Variants in PRRC2C observed in about 807,000 individuals in gnomAD.
PRRC2C encodes the protein protein PRRC2C.
In PRRC2C, 72 loss-of-function variants were observed where a neutral mutation model predicts 317.2. The ratio of observed to expected loss-of-function variants is 0.23; its 90% CI spans 0.19 to 0.28. PRRC2C has a LOEUF of 0.28. Ranked by LOEUF, PRRC2C falls within the 10% of genes least tolerant of loss-of-function variation. The probability of loss-of-function intolerance (pLI) is 1.00; values close to 1 mark genes in which losing one functional copy is unlikely to be tolerated. For synonymous variants in PRRC2C, 1,296 were observed against 1,205.9 expected (o/e 1.07, Z -1.55); for missense variants, 3,074 against 3,459.7 (o/e 0.89, Z 2.80).
At chr1:171,535,726 T>G in intron 13 of PRRC2C, 129 bp downstream of exon 13, 1 of 1,200,466 alleles carries the variant, frequency 8.3e-7, no homozygotes, top group Non-Finnish European at 1.2e-6. Flanking sequence ...TTTTTCCTTG[T>G]AAATAAAAGT....
chr1:171,539,875 T>C (rs12734261), intron 15 of PRRC2C, 96 bp from the exon 16 acceptor site: 165,257 of 1,027,520 alleles, frequency 0.16, 14,462 homozygotes, highest in Middle Eastern at 0.27. Context: ...TGGTTAAGAG[T>C]CATTGCTTTC....
chr1:171,498,128 A>G (rs1251516852), intron 1 of PRRC2C, among the ~76,000 whole-genome samples: 21 of 151,966 alleles, frequency 1.4e-4, no homozygotes, highest in Admixed American at 7.9e-4. Context: ...TGCCCTGCCA[A>G]TAATTACTAT....
chr1:171,510,438 T>C (rs1306482403), intron 1 of PRRC2C: 2 of 152,148 alleles, frequency 1.3e-5, no homozygotes, highest in Non-Finnish European at 2.9e-5. Context: ...ATGAAAAAGC[T>C]CTTTGAATTT....
In PRRC2C at chr1:171,529,017, G is replaced by A. The variant is rs867178231; in HGVS notation, c.1254+1173G>A. Among the ~76,000 whole-genome samples, 23 of 152,006 alleles carry A rather than the reference G, an allele frequency of 1.5e-4. 1 individual carries two copies. The highest frequency in any genetic ancestry group is 4.8e-4 in the African/African-American group (20 of 41,460). On this transcript the variant is annotated intron_variant, in intron 11 of 34. Transcript: ENST00000647382. ...TCACCTTCATGCCCAGGCTGGTCTC[G>A]AACTCCTAGACAAGATACCACCTTG...
At chr1:171,526,360 C>T (rs888083422) in intron 10 of PRRC2C, among the ~76,000 whole-genome samples, 2 of 152,192 alleles carry the variant, frequency 1.3e-5, no homozygotes, top group African/African-American at 4.8e-5. Context: ...CCTCTTGAGA[C>T]AGAGCCTTGC....
chr1:171,518,284 A>C (rs539521889), intron 6 of PRRC2C, among the ~76,000 whole-genome samples: 58 of 152,288 alleles, frequency 3.8e-4, no homozygotes, highest in African/African-American at 1.3e-3. Context: ...CATTCTGTTT[A>C]ATATAATTGT....
chr1:171,532,403 C>G lies in PRRC2C; in HGVS notation c.1315C>G (p.Gln439Glu), dbSNP rs1299578878. 4.3e-6 allele frequency: 7 copies of G among 1,613,900 alleles called. No individual in the cohort carries two copies. In the South Asian group the frequency reaches 7.7e-5, roughly 18 times the overall value. Residue 439 changes from glutamine to glutamate, a missense_variant, in exon 12 of 35, where the codon CAA becomes GAA. Physicochemically the swap from Gln to Glu is conservative, Grantham distance 29. Around this residue, in one of 11 missense-constraint regions of PRRC2C, gnomAD observed 1,320 missense variants for 1,395.7 expected, o/e 0.95. Coordinates refer to ENST00000647382, the MANE Select transcript of PRRC2C (RefSeq NM_001387844.1). ...GRPGPFPSKQ[Q>E]VADEDEIWKQ... Reference sequence around the variant, plus strand: ...ACCAGGCCCCTTTCCCTCCAAGCAGCAAGTAGCTGATGAAGATGAAATATG... The same window carrying G: ...ACCAGGCCCCTTTCCCTCCAAGCAGGAAGTAGCTGATGAAGATGAAATATG...
At position 171,561,086 on chromosome 1, in the gene PRRC2C, T is replaced by A; in HGVS notation, c.6100T>A (p.Ser2034Thr). 1 of 1,600,142 alleles carries A rather than the reference T, an allele frequency of 6.2e-7. No homozygotes were observed. The highest frequency in any genetic ancestry group is 8.6e-7 in the Non-Finnish European group (1 of 1,167,286). The change falls in exon 20 of 35, where the codon TCA (serine) becomes ACA (threonine). Residue 2034 changes from serine (S) to threonine (T), a missense_variant. Around this residue, in one of 11 missense-constraint regions of PRRC2C, gnomAD observed 640 missense variants for 676.1 expected, o/e 0.95. Transcript: ENST00000647382. ...AWNKPLTSFG[S>T]APSSEGAKNG... is the part of the protein sequence containing the mutation. ...GAATAAGCCCTTAACATCGTTTGGA[T>A]CAGCTCCTTCATCAGAGGTAAGAAT...
At position 171,592,064 on chromosome 1, in the gene PRRC2C, T is replaced by G. The variant is rs3204333; in HGVS notation, c.*217T>G. 62,375 of 482,544 alleles carry G rather than the reference T, an allele frequency of 0.13. 4,341 individuals carry two copies. Among genetic ancestry groups the G allele is most frequent in the East Asian group, 0.19 (5,829 of 31,208 alleles). 29.9% of individuals were successfully genotyped at this position (482,544 alleles called of 1,614,324 possible). On this transcript the variant is annotated 3_prime_UTR_variant, in exon 35 of 35. Transcript: ENST00000647382. ...AAGCTTGTACCTACTATATAACATG[T>G]GCTTGGTTGATGGCCATGCATCTTC...
At chr1:171,583,189 G>T (rs927646469) in intron 28 of PRRC2C, among the ~76,000 whole-genome samples, 1 of 152,062 alleles carries the variant, frequency 6.6e-6, no homozygotes, top group African/African-American at 2.4e-5. Context: ...GCCCAGGCTG[G>T]TCTCAAATTC....
At chr1:171,538,738 G>C (rs1319493419) in intron 15 of PRRC2C, among the ~76,000 whole-genome samples, 2 of 151,922 alleles carry the variant, frequency 1.3e-5, no homozygotes, top group Non-Finnish European at 2.9e-5. Flanking sequence ...TTTGAGAAGG[G>C]TCTCGCTCTG....
intron 12 of PRRC2C, among the ~76,000 whole-genome samples, chr1:171,534,753 A>G (rs1676511305): frequency 6.6e-6 from 1 of 152,156 alleles, no homozygotes; most frequent in Non-Finnish European, 1.5e-5. Context: ...CTTAATATTG[A>G]ATGTAATCCA....
At chr1:171,529,515 C>A (rs192104776) in intron 11 of PRRC2C, among the ~76,000 whole-genome samples, 3 of 152,298 alleles carry the variant, frequency 2.0e-5, no homozygotes, top group African/African-American at 7.2e-5. Flanking sequence ...CTTAACTCTT[C>A]TTTTTTTACC....
chr1:171,567,265 T>A (rs1431943714), intron 22 of PRRC2C, among the ~76,000 whole-genome samples: 1 of 152,202 alleles, frequency 6.6e-6, no homozygotes, highest in African/African-American at 2.4e-5. Context: ...AACAGATTAC[T>A]GTTTCTTTGG....
Position 171,536,230 on chromosome 1 carries a change from C to T in PRRC2C, c.2245C>T (p.Arg749Ter). 1 of 1,613,722 alleles carries T rather than the reference C, an allele frequency of 6.2e-7. No homozygotes were observed. Among genetic ancestry groups the T allele is most frequent in the Non-Finnish European group, 8.5e-7 (1 of 1,179,752 alleles). Residue 749 changes from arginine (R) to a stop codon, truncating the protein, a stop_gained, in exon 14 of 35, where the codon CGA becomes TGA. Transcript: ENST00000647382. LOFTEE classifies it high-confidence loss of function. ...WLMMQSYMDP[R>*]MMSGRPAMDI... ...CATGATGCAGTCCTACATGGATCCT[C>T]GAATGATGTCAGGAAGACCTGCTAT...
intron 17 of PRRC2C, among the ~76,000 whole-genome samples, chr1:171,548,129 C>T (rs920453148): frequency 7.0e-4 from 106 of 151,858 alleles, no homozygotes; most frequent in African/African-American, 2.5e-3. Flanking sequence ...CTATTCCCAG[C>T]TAATTTTTTG....
At position 171,583,977 on chromosome 1, in the gene PRRC2C, A is replaced by T. The variant is rs747332781; in HGVS notation, c.7431A>T (p.Gln2477His). The T allele has an allele frequency of 6.2e-7, 1 of 1,606,596 alleles. No homozygotes were observed. The highest frequency in any genetic ancestry group is 1.7e-5 in the Admixed American group (1 of 59,492). ...GTAGATCTCAGCCAGCTTTTATGCA[A>T]AGCAGTTTATCCCAGCCATCTGTGG... ...QPYRSQPAFM[Q>H]SSLSQPSVVL... Residue 2477 changes from glutamine to histidine, a missense_variant, in exon 29 of 35, where the codon CAA (glutamine) becomes CAT (histidine). Gln to His is a conservative substitution (Grantham distance 24). Around this residue, in one of 11 missense-constraint regions of PRRC2C, gnomAD observed 490 missense variants for 663.1 expected, o/e 0.74. Coordinates refer to ENST00000647382, the MANE Select transcript of PRRC2C (RefSeq NM_001387844.1).
intron 1 of PRRC2C, among the ~76,000 whole-genome samples, chr1:171,489,148 A>G (rs958575018): frequency 6.6e-6 from 1 of 152,218 alleles, no homozygotes; most frequent in Non-Finnish European, 1.5e-5. Context: ...GAAACACAAA[A>G]GAATAGACCC....
chr1:171,505,486 C>T (rs1038706019), intron 1 of PRRC2C, among the ~76,000 whole-genome samples: 2 of 152,158 alleles, frequency 1.3e-5, no homozygotes, highest in African/African-American at 4.8e-5. Context: ...AGATTTTCTA[C>T]ATATGTGATC....
Sources: gnomAD v4.1 joint callset for allele counts (sites outside exome capture counted in the v4.1 genomes callset) on GRCh38, gnomAD v4.1.1 for gene constraint, gnomAD v4.1.1 regional missense constraint, MANE v1.5 for transcripts, NCBI Gene and HGNC (gene_info 2026-07-23, HGNC 2026-07-21) for gene names.